LARP1: variants seen among roughly 807,000 people sequenced by gnomAD.
LARP1 encodes la-related protein 1.
In LARP1, 36 loss-of-function variants were observed where a neutral mutation model predicts 122.7. That is an observed-to-expected ratio of 0.29 (90% CI 0.22 to 0.39). LARP1 has a LOEUF of 0.39. Ranked by LOEUF, LARP1 falls within the 10% of genes least tolerant of loss-of-function variation. The probability of loss-of-function intolerance (pLI) is 1.00; values close to 1 mark genes in which losing one functional copy is unlikely to be tolerated. For missense variants in LARP1, 1,040 were observed against 1,403.6 expected (o/e 0.74, Z 4.14); for synonymous variants, 539 against 528.7 (o/e 1.02, Z -0.27).
At chr5:154,725,059 A>G (rs937900241) in intron 1 of LARP1, among the ~76,000 whole-genome samples, 2 of 151,934 alleles carry the variant, frequency 1.3e-5, no homozygotes, top group South Asian at 4.2e-4. Flanking sequence ...AGCCTGGGCA[A>G]TATAGTGAGA....
At chr5:154,714,192 C>T (rs11746149) in intron 1 of LARP1, among the ~76,000 whole-genome samples, 78 of 152,100 alleles carry the variant, frequency 5.1e-4, no homozygotes, top group Non-Finnish European at 9.7e-4. Context: ...AAGATAAATT[C>T]AGATTTAAAA....
chr5:154,717,610 C>A (rs1755588938), intron 1 of LARP1, among the ~76,000 whole-genome samples: 1 of 152,202 alleles, frequency 6.6e-6, no homozygotes, highest in South Asian at 2.1e-4. Context: ...ACCATCACTT[C>A]ACTGCTATTC....
intron 8 of LARP1, among the ~76,000 whole-genome samples, chr5:154,796,571 C>T (rs1054447149): frequency 1.3e-5 from 2 of 152,012 alleles, no homozygotes; most frequent in Non-Finnish European, 2.9e-5. Context: ...GAAGTTTTTT[C>T]CCCTCCTTGT....
At chr5:154,729,431 A>C in intron 1 of LARP1, 1 of 375,054 alleles carries the variant, frequency 2.7e-6, no homozygotes, top group South Asian at 2.4e-5. Flanking sequence ...GTTACCTAGC[A>C]TGCTATTGGC....
intron 1 of LARP1, among the ~76,000 whole-genome samples, chr5:154,744,195 C>G (rs755564832): frequency 6.6e-6 from 1 of 152,160 alleles, no homozygotes; most frequent in Non-Finnish European, 1.5e-5. Flanking sequence ...ACAATCTGCC[C>G]TATCTCCTGC....
chr5:154,781,732 A>T (rs565137155), intron 1 of LARP1, among the ~76,000 whole-genome samples: 2 of 152,366 alleles, frequency 1.3e-5, no homozygotes, highest in Non-Finnish European at 2.9e-5. Flanking sequence ...GTACTTTCTT[A>T]AAACATTGAG....
At chr5:154,786,932 A>G (rs1244921644) in intron 1 of LARP1, among the ~76,000 whole-genome samples, 1 of 151,006 alleles carries the variant, frequency 6.6e-6, no homozygotes, top group Non-Finnish European at 1.5e-5. Context: ...AGGCTGGAGC[A>G]CAATGGTGCA....
intron 1 of LARP1, among the ~76,000 whole-genome samples, chr5:154,779,241 C>CTAG (rs776556120): frequency 3.9e-5 from 6 of 152,112 alleles, no homozygotes; most frequent in Non-Finnish European, 7.4e-5. Context: ...CCTCATGAAC[C>CTAG]TAGTTGCTTG....
intron 13 of LARP1, among the ~76,000 whole-genome samples, 199 bp from the exon 14 acceptor site, chr5:154,804,002 C>G (rs900069707): frequency 1.3e-5 from 2 of 152,126 alleles, no homozygotes; most frequent in Non-Finnish European, 2.9e-5. Flanking sequence ...TCACTGCATT[C>G]CCAAACCTTG....
intron 8 of LARP1, among the ~76,000 whole-genome samples, chr5:154,797,891 C>A (rs1011717690): frequency 6.6e-6 from 1 of 152,048 alleles, no homozygotes; most frequent in Non-Finnish European, 1.5e-5. Context: ...TGCAGTGTTG[C>A]CCAGGCTGGT....
At chr5:154,726,956 C>T (rs1378738825) in intron 1 of LARP1, among the ~76,000 whole-genome samples, 3 of 152,200 alleles carry the variant, frequency 2.0e-5, no homozygotes, top group African/African-American at 4.8e-5. Flanking sequence ...TGGGGGAAAC[C>T]GCTTCCATGA....
At chr5:154,691,103 GAA>G (rs11452527) in intron 1 of LARP1, among the ~76,000 whole-genome samples, 1 of 149,240 alleles carries the variant, frequency 6.7e-6, no homozygotes, top group Non-Finnish European at 1.5e-5. Flanking sequence ...ACTAAAAAAA[GAA>G]AAAAAAATTA....
At chr5:154,796,019 A>AT (rs557452327) in intron 8 of LARP1, among the ~76,000 whole-genome samples, 5 of 96,966 alleles carry the variant, frequency 5.2e-5, no homozygotes, top group East Asian at 4.9e-4. Flanking sequence ...ATATTTATAT[A>AT]TTATATATAT....
At chr5:154,752,714 A>C (rs998982007), upstream of LARP1, among the ~76,000 whole-genome samples, 1 of 151,792 alleles carries the variant, frequency 6.6e-6, no homozygotes, top group Non-Finnish European at 1.5e-5. Flanking sequence ...TGAGGTGGGC[A>C]GATCACCTGA....
At chr5:154,703,469 C>T (rs1754815550) in intron 1 of LARP1, among the ~76,000 whole-genome samples, 1 of 152,096 alleles carries the variant, frequency 6.6e-6, no homozygotes, top group Non-Finnish European at 1.5e-5. Flanking sequence ...ATTCATTCAA[C>T]AGGCTGGGCA....
intron 1 of LARP1, among the ~76,000 whole-genome samples, chr5:154,767,629 G>A (rs1711879276): frequency 6.6e-6 from 1 of 152,200 alleles, no homozygotes; most frequent in Non-Finnish European, 1.5e-5. Context: ...TCAGAGATGA[G>A]TTCAGGCGTT....
intron 1 of LARP1, among the ~76,000 whole-genome samples, chr5:154,724,381 G>C (rs1240024862): frequency 1.3e-5 from 2 of 152,132 alleles, no homozygotes; most frequent in East Asian, 1.9e-4. Flanking sequence ...TTAGTCAAGG[G>C]ACTTTTAGGC....
chr5:154,740,190 G>C (rs1206854088), intron 1 of LARP1, among the ~76,000 whole-genome samples: 2 of 151,582 alleles, frequency 1.3e-5, no homozygotes, highest in African/African-American at 4.9e-5. Flanking sequence ...TCAGGGGTTC[G>C]AGACCAGCCT....
intron 1 of LARP1, among the ~76,000 whole-genome samples, chr5:154,768,562 TTTTATTTATTTATTTTTA>T (rs1755138284): frequency 6.6e-6 from 1 of 152,068 alleles, no homozygotes; most frequent in Admixed American, 6.6e-5. Flanking sequence ...GTACCCTATT[TTTTATTTATTTATTTTTA>T]TTTATTTATT....
Sources: allele counts gnomAD v4.1 joint callset (sites outside exome capture counted in the v4.1 genomes callset), GRCh38; gene constraint gnomAD v4.1.1; transcripts MANE v1.5; gene names NCBI Gene and HGNC (gene_info 2026-07-23, HGNC 2026-07-21).